The following SSBP2 variants were observed in gnomAD, a reference collection of about 807,000 sequenced individuals.
The protein encoded by SSBP2 is single-stranded DNA-binding protein 2.
A neutral mutation model predicts 61.8 loss-of-function variants in SSBP2; 17 were observed. The observed-to-expected ratio is 0.28, with a 90% CI of 0.19 to 0.41. The LOEUF is 0.41. SSBP2 is among the 10% of genes least tolerant of loss of function. The pLI, the probability that SSBP2 is intolerant of heterozygous loss-of-function variation, is 1.00. For missense variants in SSBP2, 310 were observed against 458.7 expected (o/e 0.68, Z 2.96); for synonymous variants, 139 against 141.3 (o/e 0.98, Z 0.12).
chr5:81,589,492 T>A (rs1293852350), intron 4 of SSBP2, among the ~76,000 whole-genome samples: 4 of 152,232 alleles, frequency 2.6e-5, no homozygotes, highest in African/African-American at 4.8e-5. Context: ...AATATTTTTT[T>A]AAAAATCACA....
chr5:81,654,618 T>G lies in SSBP2; in HGVS notation c.63-4279A>C, dbSNP rs148650521. Among the ~76,000 whole-genome samples, 158 of 152,326 alleles carry G rather than the reference T, an allele frequency of 1.0e-3. 1 individual carries two copies. The highest frequency in any genetic ancestry group is 3.6e-3 in the African/African-American group (148 of 41,570). On this transcript the variant is annotated intron_variant, in intron 1 of 16. Coordinates refer to ENST00000320672, the MANE Select transcript of SSBP2 (RefSeq NM_012446.5). The stretch of plus-strand genomic sequence containing the variant: ...AGAGCAGGAGCTATAATATTTGCTG[T>G]AGCTTCAGATTATGTATTTCCCATT...
chr5:81,597,432 T>C (rs1743881038), intron 4 of SSBP2, among the ~76,000 whole-genome samples: 2 of 152,304 alleles, frequency 1.3e-5, no homozygotes, highest in East Asian at 1.9e-4. Context: ...AGTTCAACCA[T>C]TGTGGAAGTC....
intron 1 of SSBP2, among the ~76,000 whole-genome samples, chr5:81,695,730 CT>C (rs1163916968): frequency 6.6e-6 from 1 of 151,842 alleles, no homozygotes; most frequent in African/African-American, 2.4e-5. Flanking sequence ...ATCTTGTTTC[CT>C]TTTTAGATTA....
At chr5:81,589,753 C>T (rs1038210725) in intron 4 of SSBP2, among the ~76,000 whole-genome samples, 20 of 152,074 alleles carry the variant, frequency 1.3e-4, no homozygotes, top group Non-Finnish European at 1.8e-4. Flanking sequence ...TGTATTTTGG[C>T]TCATGGTTCT....
intron 4 of SSBP2, among the ~76,000 whole-genome samples, chr5:81,514,342 GA>G (rs1006508542): frequency 5.0e-4 from 75 of 149,056 alleles, no homozygotes; most frequent in East Asian, 2.7e-3. Flanking sequence ...TACAAATTAT[GA>G]AAAAAAAAAT....
chr5:81,429,610 T>C (rs1248322381), intron 15 of SSBP2, among the ~76,000 whole-genome samples: 4 of 152,148 alleles, frequency 2.6e-5, no homozygotes, highest in Non-Finnish European at 5.9e-5. Context: ...TTAGTTGTTA[T>C]TTCAAATGGA....
At chr5:81,722,008 T>A (rs1755570905) in intron 1 of SSBP2, among the ~76,000 whole-genome samples, 1 of 151,374 alleles carries the variant, frequency 6.6e-6, no homozygotes, top group Non-Finnish European at 1.5e-5. Context: ...CAAAAAAAAA[T>A]CTTTCCTTCC....
At chr5:81,722,715 A>G (rs1755619639) in intron 1 of SSBP2, among the ~76,000 whole-genome samples, 2 of 152,004 alleles carry the variant, frequency 1.3e-5, no homozygotes. Flanking sequence ...TTTTAAGTAT[A>G]AAGTACACCA....
chr5:81,558,363 T>C (rs1338407419), intron 4 of SSBP2, among the ~76,000 whole-genome samples: 6 of 152,226 alleles, frequency 3.9e-5, no homozygotes, highest in African/African-American at 1.2e-4. Flanking sequence ...TGCTGGCAGA[T>C]CTGGTGTCTG....
At chr5:81,684,873 C>G (rs1752658260) in intron 1 of SSBP2, among the ~76,000 whole-genome samples, 1 of 151,858 alleles carries the variant, frequency 6.6e-6, no homozygotes, top group Admixed American at 6.6e-5. Context: ...TTGTATTTAG[C>G]AATGTGAGAA....
In SSBP2 at chr5:81,552,366, G is replaced by A. The variant is rs113346146; in HGVS notation, c.283-38649C>T. Reference sequence around the variant, plus strand: ...TCAAAACAAAGTAAAGGCCGGGCACGGTGGCTCATGTCTGGTGATCCCAAA... The same window carrying A: ...TCAAAACAAAGTAAAGGCCGGGCACAGTGGCTCATGTCTGGTGATCCCAAA... On this transcript the variant is annotated intron_variant, in intron 4 of 16. Coordinates refer to ENST00000320672, the MANE Select transcript of SSBP2 (RefSeq NM_012446.5). 4.1e-3 allele frequency among the ~76,000 whole-genome samples: 629 copies of A among 152,184 alleles called. 3 individuals are homozygous for A. Among genetic ancestry groups the A allele is most frequent in the African/African-American group, 0.014 (598 of 41,524 alleles).
At chr5:81,505,669 T>C (rs1239087945) in intron 5 of SSBP2, among the ~76,000 whole-genome samples, 3 of 152,214 alleles carry the variant, frequency 2.0e-5, no homozygotes, top group Admixed American at 6.5e-5. Context: ...AGAAAAACTA[T>C]AATTTCAAAT....
At chr5:81,662,727 G>A (rs1750802990) in intron 1 of SSBP2, among the ~76,000 whole-genome samples, 1 of 152,062 alleles carries the variant, frequency 6.6e-6, no homozygotes, top group South Asian at 2.1e-4. Context: ...CTTGAACCCT[G>A]GAGGCGGAGG....
intron 4 of SSBP2, among the ~76,000 whole-genome samples, chr5:81,521,604 T>C (rs190582574): frequency 8.5e-5 from 13 of 152,132 alleles, no homozygotes; most frequent in Non-Finnish European, 1.5e-4. Context: ...TGGGATATCA[T>C]CTGTTTTTAT....
chr5:81,436,945 T>G (rs1327170955), intron 15 of SSBP2, among the ~76,000 whole-genome samples: 1 of 152,122 alleles, frequency 6.6e-6, no homozygotes, highest in Non-Finnish European at 1.5e-5. Flanking sequence ...TTACTCTATT[T>G]TGGGGACTAG....
chr5:81,602,601 C>A (rs1162376840), intron 4 of SSBP2, among the ~76,000 whole-genome samples: 2 of 152,138 alleles, frequency 1.3e-5, no homozygotes. Context: ...TGCCCTGAGA[C>A]CGCATTTTCC....
intron 4 of SSBP2, among the ~76,000 whole-genome samples, chr5:81,553,718 G>C (rs1261833342): frequency 6.6e-6 from 1 of 152,114 alleles, no homozygotes; most frequent in Non-Finnish European, 1.5e-5. Context: ...GTAGAAGTGA[G>C]ATAAGGACAG....
At chr5:81,567,791 C>G (rs1049370127) in intron 4 of SSBP2, among the ~76,000 whole-genome samples, 1 of 152,208 alleles carries the variant, frequency 6.6e-6, no homozygotes, top group Non-Finnish European at 1.5e-5. Context: ...GGATGTGAGA[C>G]ACAGAGTCAA....
intron 1 of SSBP2, among the ~76,000 whole-genome samples, chr5:81,666,095 A>T (rs1416592398): frequency 6.6e-6 from 1 of 152,192 alleles, no homozygotes; most frequent in South Asian, 2.1e-4. Flanking sequence ...TGTTTTTAAC[A>T]TTGTCTTTTT....
Sources: gnomAD v4.1 joint callset for allele counts (sites outside exome capture counted in the v4.1 genomes callset) on GRCh38, gnomAD v4.1.1 for gene constraint, MANE v1.5 for transcripts, NCBI Gene and HGNC (gene_info 2026-07-23, HGNC 2026-07-21) for gene names.